The following ACCSL variants were observed in gnomAD, a reference collection of about 807,000 sequenced individuals.
The protein encoded by ACCSL is 1-aminocyclopropane-1-carboxylate synthase homolog (inactive) like.
In ACCSL, 55 loss-of-function variants were observed where a neutral mutation model predicts 61.7. The ratio of observed to expected loss-of-function variants is 0.89; its 90% confidence interval spans 0.72 to 1.12. The LOEUF is 1.12. Among genes scored for constraint, ACCSL ranks in the 50% most tolerant of loss-of-function variants. The pLI, the probability that ACCSL is intolerant of heterozygous loss-of-function variation, is 0.00. For synonymous variants in ACCSL, 258 were observed against 264.3 expected, an observed-to-expected ratio of 0.98 and a Z score of 0.23; for missense variants, 632 against 698.0, an observed-to-expected ratio of 0.91 and a Z score of 1.07.
At chr11:44,026,824 G>T in the ACCSL span, among the ~76,000 whole-genome samples, 1 of 152,032 alleles carries the variant, frequency 6.6e-6, no homozygotes, top group South Asian at 2.1e-4. Context: ...CCGCCTCCTG[G>T]GTTCAAGCCA....
intron 13 of ACCSL, among the ~76,000 whole-genome samples, chr11:44,058,940 A>C (rs137960987): frequency 6.6e-6 from 1 of 152,252 alleles, no homozygotes; most frequent in East Asian, 1.9e-4. Flanking sequence ...TGGGACCACA[A>C]GCTAAAAAGT....
chr11:43,925,899 C>T, the ACCSL span, among the ~76,000 whole-genome samples: 1 of 152,162 alleles, frequency 6.6e-6, no homozygotes, highest in Non-Finnish European at 1.5e-5. Context: ...CAGTAACCCA[C>T]TTAGTAATAT....
the ACCSL span, chr11:43,947,163 G>T: frequency 6.6e-6 from 1 of 152,200 alleles, no homozygotes; most frequent in African/African-American, 2.4e-5. Flanking sequence ...CATGGCCAGA[G>T]AGGGAGCAAG....
At chr11:43,998,772 T>TG in the ACCSL span, among the ~76,000 whole-genome samples, 1 of 151,900 alleles carries the variant, frequency 6.6e-6, no homozygotes, top group South Asian at 2.1e-4. Flanking sequence ...GCATTTTTTT[T>TG]TTTTTGAGAC....
the ACCSL span, among the ~76,000 whole-genome samples, chr11:43,935,278 G>A: frequency 3.2e-4 from 49 of 152,188 alleles, no homozygotes; most frequent in African/African-American, 1.1e-3. Flanking sequence ...ATGTACAAGC[G>A]GTGGCTGGGC....
chr11:44,053,330 A>G (rs957565167), intron 7 of ACCSL, 76 bp from the exon 8 acceptor site: 28 of 1,482,044 alleles, frequency 1.9e-5, no homozygotes, highest in African/African-American at 5.6e-5. Context: ...TGCCTAACCT[A>G]TAAAAGATCC....
the ACCSL span, among the ~76,000 whole-genome samples, chr11:43,953,286 G>A: frequency 6.6e-6 from 1 of 152,064 alleles, no homozygotes; most frequent in African/African-American, 2.4e-5. Context: ...ATGCCAAGGT[G>A]GATGGATCAT....
At chr11:43,940,551 G>A in the ACCSL span, among the ~76,000 whole-genome samples, 23 of 151,248 alleles carry the variant, frequency 1.5e-4, no homozygotes, top group African/African-American at 5.1e-4. Context: ...TAGTAGAGAC[G>A]GGGTTTCACC....
At chr11:43,959,479 C>T in the ACCSL span, among the ~76,000 whole-genome samples, 1 of 152,226 alleles carries the variant, frequency 6.6e-6, no homozygotes, top group East Asian at 1.9e-4. Flanking sequence ...TGGAATTAGC[C>T]TAACTGATGC....
chr11:44,007,540 C>T, the ACCSL span, among the ~76,000 whole-genome samples: 1 of 152,176 alleles, frequency 6.6e-6, no homozygotes, highest in African/African-American at 2.4e-5. Context: ...GATGCTCGCT[C>T]CTCAAACCAC....
chr11:43,932,098 G>A, the ACCSL span, among the ~76,000 whole-genome samples: 3 of 152,100 alleles, frequency 2.0e-5, no homozygotes, highest in Non-Finnish European at 4.4e-5. Context: ...GCATCATTGC[G>A]ACCCTAATTC....
At chr11:43,981,631 ATT>A in the ACCSL span, among the ~76,000 whole-genome samples, 175 of 152,258 alleles carry the variant, frequency 1.1e-3, 2 homozygotes, top group African/African-American at 3.8e-3. Flanking sequence ...ATGGGAAGGA[ATT>A]TGTCTTCCTG....
the ACCSL span, among the ~76,000 whole-genome samples, chr11:43,987,345 G>A: frequency 6.6e-6 from 1 of 152,168 alleles, no homozygotes; most frequent in East Asian, 1.9e-4. Flanking sequence ...TTTGGAAAGT[G>A]GGAGTGTCTG....
chr11:43,990,277 A>G, the ACCSL span, among the ~76,000 whole-genome samples: 7 of 152,308 alleles, frequency 4.6e-5, no homozygotes, highest in South Asian at 1.2e-3. Context: ...GCAACAAAAT[A>G]CCTTAGACTG....
the ACCSL span, among the ~76,000 whole-genome samples, chr11:44,039,901 T>C: frequency 6.6e-6 from 1 of 152,234 alleles, no homozygotes; most frequent in Non-Finnish European, 1.5e-5. Flanking sequence ...CACATAGTCA[T>C]GGGCGGTTCC....
At chr11:43,934,607 C>T in the ACCSL span, among the ~76,000 whole-genome samples, 1 of 152,222 alleles carries the variant, frequency 6.6e-6, no homozygotes, top group African/African-American at 2.4e-5. Flanking sequence ...CTGAGACCCA[C>T]TCTAGGGAGA....
the ACCSL span, among the ~76,000 whole-genome samples, chr11:43,947,360 C>T: frequency 6.6e-6 from 1 of 152,290 alleles, no homozygotes; most frequent in South Asian, 2.1e-4. Context: ...AGGGGACAAA[C>T]ATCCAAATCA....
the ACCSL span, among the ~76,000 whole-genome samples, chr11:43,996,225 G>A: frequency 3.3e-5 from 5 of 152,170 alleles, no homozygotes; most frequent in Non-Finnish European, 7.3e-5. Context: ...TGTTGTTCAA[G>A]CCCCCCACTG....
the ACCSL span, among the ~76,000 whole-genome samples, chr11:43,922,047 G>A: frequency 6.6e-6 from 1 of 152,206 alleles, no homozygotes; most frequent in African/African-American, 2.4e-5. Flanking sequence ...AGGAATTAGA[G>A]GTGAAGCTGT....
Sources: allele counts gnomAD v4.1 joint callset (sites outside exome capture counted in the v4.1 genomes callset), GRCh38; gene constraint gnomAD v4.1.1; transcripts MANE v1.5; gene names NCBI Gene and HGNC (gene_info 2026-07-23, HGNC 2026-07-21).